Variants in ERI3 observed in about 807,000 individuals in gnomAD.
ERI3 encodes the protein ERI1 exoribonuclease 3.
In ERI3, 18 loss-of-function variants were observed where a neutral mutation model predicts 44.4. That is an observed-to-expected ratio of 0.41 (90% CI 0.28 to 0.60). The LOEUF is 0.60. ERI3 is among the 20% of genes least tolerant of loss of function. The pLI is 0.36. For synonymous variants in ERI3, 183 were observed against 164.8 expected, an observed-to-expected ratio of 1.11 and a Z score of -0.84; for missense variants, 294 against 435.5, an observed-to-expected ratio of 0.68 and a Z score of 2.89.
intron 8 of ERI3, chr1:44,243,887 A>G (rs906429573): frequency 3.3e-5 from 5 of 152,154 alleles, no homozygotes; most frequent in African/African-American, 9.7e-5. Context: ...TTCCACAGTG[A>G]TAACAACACA....
In ERI3 at chr1:44,222,494, G is replaced by A. The variant is rs148103156; in HGVS notation, c.932-854C>T. ...GACTCTATCACAAACAGTTTCTCCA[G>A]TATTGGATGCTTTCAACTGTCCTAG... On this transcript the variant is annotated intron_variant, in intron 8 of 8. Coordinates refer to ENST00000372257, the MANE Select transcript of ERI3 (RefSeq NM_024066.3). 2.9e-3 allele frequency among the ~76,000 whole-genome samples: 437 copies of A among 152,312 alleles called. 2 individuals carry two copies. Among genetic ancestry groups the A allele is most frequent in the African/African-American group, 0.01 (425 of 41,558 alleles).
At chr1:44,304,322 A>G (rs1340899336) in intron 6 of ERI3, among the ~76,000 whole-genome samples, 2 of 152,220 alleles carry the variant, frequency 1.3e-5, no homozygotes, top group Non-Finnish European at 2.9e-5. Context: ...GAATAAACAG[A>G]AAAGACAACC....
At chr1:44,354,263 G>C in intron 1 of ERI3, 1 of 985,432 alleles carries the variant, frequency 1.0e-6, no homozygotes, top group Non-Finnish European at 1.2e-6. Context: ...GAAGTGGCCA[G>C]AGACCTCTCG....
At chr1:44,308,075 T>A (rs1380179820) in intron 6 of ERI3, among the ~76,000 whole-genome samples, 1 of 152,200 alleles carries the variant, frequency 6.6e-6, no homozygotes, top group Non-Finnish European at 1.5e-5. Flanking sequence ...TCATGAGCAG[T>A]GAGACCTGGC....
chr1:44,255,271 G>C (rs190706558), intron 7 of ERI3, among the ~76,000 whole-genome samples: 18 of 152,272 alleles, frequency 1.2e-4, no homozygotes, highest in Admixed American at 1.0e-3. Flanking sequence ...GTCTGGTCAA[G>C]CTGCCGCCAT....
At chr1:44,284,156 G>A in intron 7 of ERI3, 1 of 445,780 alleles carries the variant, frequency 2.2e-6, no homozygotes, top group Non-Finnish European at 4.6e-6. Flanking sequence ...GGGATACTCT[G>A]CTAGGAAAGT....
At chr1:44,249,545 C>T (rs1461188186) in intron 7 of ERI3, among the ~76,000 whole-genome samples, 1 of 152,218 alleles carries the variant, frequency 6.6e-6, no homozygotes, top group African/African-American at 2.4e-5. Context: ...TGTACTTAAA[C>T]CTTAGCACCC....
At position 44,241,535 on chromosome 1, in the gene ERI3, GC is replaced by G. The variant is rs1241433685; in HGVS notation, c.931+6403del. On this transcript the variant is annotated intron_variant, in intron 8 of 8. Coordinates refer to ENST00000372257, the MANE Select transcript of ERI3 (RefSeq NM_024066.3). This position sits in a 1 kb window ranked among gnomAD's most constrained non-coding sequence, Gnocchi z 5.6. ...TCCTCTGAGTAGGAGCAGCCAGCACGCGGGTCCTGCCAGATGGATGCAATTT... is the reference window on the plus strand; with the variant it reads ...TCCTCTGAGTAGGAGCAGCCAGCACGGGGTCCTGCCAGATGGATGCAATTT... Among the ~76,000 whole-genome samples the G allele has an allele frequency of 6.7e-6, 1 of 150,038 alleles. No individual in the cohort carries two copies. The highest frequency in any genetic ancestry group is 1.5e-5 in the Non-Finnish European group (1 of 67,518).
chr1:44,331,633 A>T (rs925204816), intron 3 of ERI3, among the ~76,000 whole-genome samples: 9 of 152,216 alleles, frequency 5.9e-5, no homozygotes, highest in African/African-American at 2.2e-4. Context: ...AGATAATCCA[A>T]CTAACTGAAC....
At chr1:44,226,558 G>A (rs953537685) in intron 8 of ERI3, among the ~76,000 whole-genome samples, 2 of 152,084 alleles carry the variant, frequency 1.3e-5, no homozygotes, top group Admixed American at 6.6e-5. Flanking sequence ...ATGGAGGTAA[G>A]AGAATTTTTA....
chr1:44,239,868 G>A (rs1325882184), intron 8 of ERI3, among the ~76,000 whole-genome samples: 7 of 152,246 alleles, frequency 4.6e-5, no homozygotes, highest in African/African-American at 1.7e-4. Flanking sequence ...TCAAACGGCA[G>A]GATCTGGGCC....
At chr1:44,264,261 C>T (rs1644946721) in intron 7 of ERI3, among the ~76,000 whole-genome samples, 2 of 152,226 alleles carry the variant, frequency 1.3e-5, no homozygotes, top group African/African-American at 2.4e-5. Flanking sequence ...ATTGAATCTC[C>T]AATAGTCCAG....
At chr1:44,224,947 T>C (rs920816974) in intron 8 of ERI3, among the ~76,000 whole-genome samples, 1 of 152,212 alleles carries the variant, frequency 6.6e-6, no homozygotes, top group Non-Finnish European at 1.5e-5. Flanking sequence ...ATATATATTT[T>C]GTTTTTTAAA....
At chr1:44,352,099 G>A (rs1432960268) in intron 2 of ERI3, among the ~76,000 whole-genome samples, 5 of 152,166 alleles carry the variant, frequency 3.3e-5, no homozygotes, top group African/African-American at 1.2e-4. Context: ...CCAGGAACTA[G>A]CACAGTGCCT....
chr1:44,238,292 G>A (rs1649525104), intron 8 of ERI3, among the ~76,000 whole-genome samples: 1 of 152,022 alleles, frequency 6.6e-6, no homozygotes, highest in Admixed American at 6.5e-5. Flanking sequence ...GACAGGGAGA[G>A]ACCAATGAGG....
At chr1:44,330,065 A>G (rs753894509) in intron 3 of ERI3, among the ~76,000 whole-genome samples, 8 of 152,188 alleles carry the variant, frequency 5.3e-5, no homozygotes, top group Non-Finnish European at 7.3e-5. Flanking sequence ...GTCTCCCAAC[A>G]TACATTTTTA....
rs1212590538 is a variant in ERI3 at position 44,228,412 on chromosome 1, A to G, written c.932-6772T>C. On this transcript the variant is annotated intron_variant, in intron 8 of 8. Coordinates refer to ENST00000372257, the MANE Select transcript of ERI3 (RefSeq NM_024066.3). This position sits in a 1 kb window ranked among gnomAD's most constrained non-coding sequence, Gnocchi z 4.3. ...GTGTTTTACGTAATAATGAAATTACAGAAATGCAGTCCACTTATTCAAACA... is the reference window on the plus strand; with the variant it reads ...GTGTTTTACGTAATAATGAAATTACGGAAATGCAGTCCACTTATTCAAACA... 6.6e-6 allele frequency among the ~76,000 whole-genome samples: 1 copy of G among 152,270 alleles called. No homozygotes were observed. Among genetic ancestry groups the G allele is most frequent in the Non-Finnish European group, 1.5e-5 (1 of 68,052 alleles).
intron 1 of ERI3, chr1:44,353,275 T>A: frequency 5.1e-6 from 5 of 985,316 alleles, no homozygotes; most frequent in Middle Eastern, 5.2e-4. Context: ...ACTAAGGAAC[T>A]AAGGCTGGGC....
At chr1:44,243,282 G>C (rs1030467542) in intron 8 of ERI3, 2 of 152,374 alleles carry the variant, frequency 1.3e-5, no homozygotes, top group African/African-American at 4.8e-5. Flanking sequence ...GAGGGGACAA[G>C]CTCCTAGGCA....
Sources: allele counts gnomAD v4.1 joint callset (sites outside exome capture counted in the v4.1 genomes callset), GRCh38; gene constraint gnomAD v4.1.1; non-coding constraint Gnocchi (gnomAD v3.1); transcripts MANE v1.5; gene names NCBI Gene and HGNC (gene_info 2026-07-23, HGNC 2026-07-21).